ZZEF1: variants seen among roughly 807,000 people sequenced by gnomAD.
ZZEF1 encodes zinc finger ZZ-type and EF-hand domain containing 1.
In ZZEF1, 157 loss-of-function variants were observed where a neutral mutation model predicts 342.8. The ratio of observed to expected loss-of-function variants is 0.46; its 90% CI spans 0.40 to 0.52. ZZEF1 has a LOEUF of 0.52. Ranked by LOEUF, ZZEF1 falls within the 20% of genes least tolerant of loss-of-function variation. The pLI is 0.00. For missense variants in ZZEF1, 3,480 were observed against 3,725.6 expected (o/e 0.93, Z 1.72); for synonymous variants, 1,505 against 1,429.1 (o/e 1.05, Z -1.20).
At chr17:4,134,350 ATT>A (rs1174418806) in intron 1 of ZZEF1, among the ~76,000 whole-genome samples, 8 of 135,552 alleles carry the variant, frequency 5.9e-5, no homozygotes, top group African/African-American at 2.0e-4. Flanking sequence ...ATTTATATAT[ATT>A]TATATATATA....
intron 5 of ZZEF1, 110 bp downstream of exon 5, chr17:4,112,499 G>A (rs1220653580): frequency 9.3e-7 from 1 of 1,072,602 alleles, no homozygotes; most frequent in Admixed American, 2.0e-5. Context: ...ACACTTTTGT[G>A]TACGTCCTAA....
chr17:4,100,210 C>G (rs1223077962), intron 9 of ZZEF1, among the ~76,000 whole-genome samples: 1 of 152,222 alleles, frequency 6.6e-6, no homozygotes, highest in Non-Finnish European at 1.5e-5. Flanking sequence ...CCAAACCCAA[C>G]AGCTCTGGCC....
intron 9 of ZZEF1, among the ~76,000 whole-genome samples, chr17:4,099,757 G>A (rs983932098): frequency 6.6e-6 from 1 of 152,064 alleles, no homozygotes; most frequent in Admixed American, 6.6e-5. Context: ...TGTTGGCCAG[G>A]CTGGTCTCGA....
intron 37 of ZZEF1, among the ~76,000 whole-genome samples, chr17:4,048,587 G>A (rs1457641029): frequency 6.6e-6 from 1 of 152,236 alleles, no homozygotes; most frequent in Non-Finnish European, 1.5e-5. Context: ...TAGCTTTTCT[G>A]TTTATGCAAC....
At position 4,070,835 on chromosome 17, in the gene ZZEF1, T is replaced by C. The variant is rs1196712091; in HGVS notation, c.3924A>G (p.Ser1308=). Residue 1308 remains serine, a synonymous_variant, in exon 26 of 55, where the codon TCA becomes TCG. Coordinates refer to ENST00000381638, the MANE Select transcript of ZZEF1 (RefSeq NM_015113.4). ...EPAQNFCGPY[S]ELFKGFIQAC... Reference sequence around the variant, plus strand: ...CCTGTATGAATCCTTTGAAAAGTTCTGAATATGGCCCACAGAAGTTCTGAG... The same window carrying C: ...CCTGTATGAATCCTTTGAAAAGTTCCGAATATGGCCCACAGAAGTTCTGAG... 6.2e-7 allele frequency: 1 copy of C among 1,614,040 alleles called. No individual in the cohort carries two copies. Among genetic ancestry groups the C allele is most frequent in the Non-Finnish European group, 8.5e-7 (1 of 1,180,054 alleles).
chr17:4,128,675 T>C (rs2058615189), intron 1 of ZZEF1, among the ~76,000 whole-genome samples: 1 of 151,678 alleles, frequency 6.6e-6, no homozygotes, highest in African/African-American at 2.4e-5. Flanking sequence ...TTGGCCAGGC[T>C]GGTCCTGAAC....
chr17:4,044,526 G>A (rs761036119), intron 37 of ZZEF1, 152 bp from the exon 38 acceptor site: 4 of 729,412 alleles, frequency 5.5e-6, no homozygotes, highest in African/African-American at 1.8e-5. Context: ...TTTCTTTTTT[G>A]TGTGTTTTTT....
chr17:4,078,195 G>A (rs989405208), intron 18 of ZZEF1, among the ~76,000 whole-genome samples, 153 bp from the exon 19 acceptor site: 1 of 152,170 alleles, frequency 6.6e-6, no homozygotes, highest in South Asian at 2.1e-4. Flanking sequence ...CAGTCACCAA[G>A]AAAGATGGTA....
chr17:4,029,090 G>T (rs1352515242), intron 42 of ZZEF1, among the ~76,000 whole-genome samples: 2 of 152,188 alleles, frequency 1.3e-5, no homozygotes, highest in Non-Finnish European at 2.9e-5. Flanking sequence ...CAGAAGACTT[G>T]AATAACATTA....
intron 27 of ZZEF1, among the ~76,000 whole-genome samples, 187 bp downstream of exon 27, chr17:4,066,976 A>G (rs1028055826): frequency 1.2e-4 from 19 of 152,264 alleles, no homozygotes; most frequent in African/African-American, 4.3e-4. Context: ...TGTTTCCTCT[A>G]TTTTCAACTG....
At chr17:4,076,600 G>C in intron 21 of ZZEF1, 37 bp downstream of exon 21, 10 of 1,589,466 alleles carry the variant, frequency 6.3e-6, no homozygotes, top group Non-Finnish European at 7.7e-6. Flanking sequence ...ACTCCTGAGA[G>C]AGAACACGGG....
At chr17:4,020,981 G>T in intron 45 of ZZEF1, 148 bp downstream of exon 45, 1 of 780,958 alleles carries the variant, frequency 1.3e-6, no homozygotes, top group Non-Finnish European at 2.0e-6. Context: ...GATCAATTCT[G>T]CACAACATAA....
At chr17:4,104,372 G>C (rs7215798) in intron 8 of ZZEF1, among the ~76,000 whole-genome samples, 25,366 of 152,044 alleles carry the variant, frequency 0.17, 2,169 homozygotes, top group East Asian at 0.18. Flanking sequence ...TTTGCAAGCA[G>C]ATCATGGGAG....
chr17:4,087,736 G>A (rs1224259931), intron 13 of ZZEF1, among the ~76,000 whole-genome samples: 1 of 151,612 alleles, frequency 6.6e-6, no homozygotes, highest in Admixed American at 6.6e-5. Context: ...ATATATGTGT[G>A]TGTTATATGT....
rs1465521606 is a variant in ZZEF1, at chr17:4,137,456, C to CA, written c.354+5085dup. On this transcript the variant is annotated intron_variant, in intron 1 of 54. Coordinates refer to ENST00000381638, the MANE Select transcript of ZZEF1 (RefSeq NM_015113.4). ...AAACCCCGTCTCTTACTAAAAAACA[C>CA]AAAAAATTAGCCGGGCGTGGTGGCA... Among the ~76,000 whole-genome samples, 23 of 152,216 alleles carry CA rather than the reference C, an allele frequency of 1.5e-4. 1 individual carries two copies. The East Asian group carries it at 3.7e-3, about 24-fold the overall frequency.
chr17:4,093,785 A>G (rs2057987380), intron 11 of ZZEF1, among the ~76,000 whole-genome samples: 1 of 149,822 alleles, frequency 6.7e-6, no homozygotes, highest in South Asian at 2.1e-4. Context: ...TCAGGGTTTC[A>G]GCTCCTTGAG....
chr17:4,078,187 G>T, intron 18 of ZZEF1, 145 bp from the exon 19 acceptor site: 1 of 806,912 alleles, frequency 1.2e-6, no homozygotes, highest in Non-Finnish European at 1.8e-6. Context: ...CAACCCAGCA[G>T]TCACCAAGAA....
In ZZEF1 at chr17:4,008,894, A is replaced by G. The variant is rs1316401004; in HGVS notation, c.8794T>C (p.Cys2932Arg). 1 of 1,547,154 alleles carries G rather than the reference A, an allele frequency of 6.5e-7. No homozygotes were observed. Among genetic ancestry groups the G allele is most frequent in the Non-Finnish European group, 8.7e-7 (1 of 1,148,692 alleles). The change falls in exon 54 of 55, where the codon TGT (cysteine) becomes CGT (arginine). Residue 2932 changes from cysteine to arginine, a missense_variant. Cys to Arg is a radical substitution (Grantham distance 180, BLOSUM62 -3). Coordinates refer to ENST00000381638, the MANE Select transcript of ZZEF1 (RefSeq NM_015113.4). This position sits in a 1 kb window ranked among gnomAD's most constrained non-coding sequence, Gnocchi z 4.2. ...ALTTDDHLLR[C>R]AAQALQNIAA... ...GGTGGAGAGAGTACCTGTGCCGCAC[A>G]GCGGAGAAGGTGGTCGTCCGTGGTT... is the stretch of plus-strand genomic sequence containing the variant.
rs781626146 is a variant in ZZEF1, at chr17:4,076,902, C to T, written c.3077G>A (p.Cys1026Tyr). ...YSGKTIVERL[C>Y]NSVFSMAARQ... ...AGCTGCCATTGAAAACACTGAGTTA[C>T]ATAATCTTTCTACTATGGTTTTTCC... The change falls in exon 20 of 55, where the codon TGT becomes TAT. Residue 1026 changes from cysteine to tyrosine, a missense_variant. Transcript: ENST00000381638. 3.1e-6 allele frequency: 5 copies of T among 1,614,226 alleles called. No homozygotes were observed. The highest frequency in any genetic ancestry group is 1.6e-4 in the Middle Eastern group (1 of 6,062).
Sources: gnomAD v4.1 joint callset for allele counts (sites outside exome capture counted in the v4.1 genomes callset) on GRCh38, gnomAD v4.1.1 for gene constraint, Gnocchi (gnomAD v3.1) non-coding constraint, MANE v1.5 for transcripts, NCBI Gene and HGNC (gene_info 2026-07-23, HGNC 2026-07-21) for gene names.